Variants in RASA3 observed in about 807,000 individuals in gnomAD.
The protein encoded by RASA3 is RAS p21 protein activator 3.
In RASA3, 73 loss-of-function variants were observed where a neutral mutation model predicts 110.0. The ratio of observed to expected loss-of-function variants is 0.66; its 90% confidence interval spans 0.55 to 0.81. The LOEUF is 0.81. Ranked by LOEUF, RASA3 falls within the 30% of genes least tolerant of loss-of-function variation. The probability of loss-of-function intolerance (pLI) is 0.00; values close to 1 mark genes in which losing one functional copy is unlikely to be tolerated. For synonymous variants in RASA3, 500 were observed against 451.4 expected, an observed-to-expected ratio of 1.11 and a Z score of -1.37; for missense variants, 976 against 1,113.2, an observed-to-expected ratio of 0.88 and a Z score of 1.75.
intron 3 of RASA3, among the ~76,000 whole-genome samples, chr13:114,043,664 G>C (rs2078977162): frequency 6.6e-6 from 1 of 152,078 alleles, no homozygotes; most frequent in Non-Finnish European, 1.5e-5. Flanking sequence ...AAGAACCAAG[G>C]GGGCCGGCAC....
At chr13:114,077,142 T>A (rs1287296064) in intron 1 of RASA3, among the ~76,000 whole-genome samples, 1 of 152,206 alleles carries the variant, frequency 6.6e-6, no homozygotes, top group Non-Finnish European at 1.5e-5. Context: ...GGGCCTCAAA[T>A]CACAGCAGTA....
rs545023048 is a variant in RASA3, at chr13:114,056,133, G to C, written c.174-3978C>G. Among the ~76,000 whole-genome samples the C allele has an allele frequency of 7.2e-5, 11 of 152,316 alleles. 1 individual carries two copies. In the South Asian group the frequency reaches 1.7e-3, roughly 23 times the overall value. Reference sequence around the variant, plus strand: ...ACTGAGGACCCCACCACATGGGCCTGTGCCTGCCTGGCAGGAAGGCAGGGA... The same window carrying C: ...ACTGAGGACCCCACCACATGGGCCTCTGCCTGCCTGGCAGGAAGGCAGGGA... On this transcript the variant is annotated intron_variant, in intron 2 of 23. Transcript: ENST00000334062. The surrounding 1 kb of genome is among the most constrained non-coding windows in gnomAD (Gnocchi z 5.7).
rs892457858 is a variant in RASA3, at chr13:114,057,558, A to T, written c.174-5403T>A. On this transcript the variant is annotated intron_variant, in intron 2 of 23. Transcript: ENST00000334062. This position sits in a 1 kb window ranked among gnomAD's most constrained non-coding sequence, Gnocchi z 5.0. ...AGAAGGGCGATTCCAGGGACAGTGGAGGCCCCCACAGGAAGGAAACCTCTC... is the reference window on the plus strand; with the variant it reads ...AGAAGGGCGATTCCAGGGACAGTGGTGGCCCCCACAGGAAGGAAACCTCTC... 1 of 967,158 alleles carries T rather than the reference A, an allele frequency of 1.0e-6. No homozygotes were observed. The highest frequency in any genetic ancestry group is 1.8e-5 in the African/African-American group (1 of 56,766). The allele number at this position is 967,158 out of a possible 1,614,324, so 59.9% of individuals were successfully genotyped here. A position where few individuals can be genotyped will look rare whatever the true frequency, so the allele number is the denominator to read the frequency against.
Position 114,112,846 on chromosome 13 carries a change from C to CCCTTTGAG in RASA3, c.55+19588_55+19589insCTCAAAGG, listed in dbSNP as rs2080236389. ...CAGCTCAAAGGGTTTCCAAGAGAAT[C>CCCTTTGAG]CTCAGCAAAAAAGCAACACTCGCCG... is the stretch of plus-strand genomic sequence containing the variant. On this transcript the variant is annotated intron_variant, in intron 1 of 23. Transcript: ENST00000334062. The surrounding 1 kb of genome is among the most constrained non-coding windows in gnomAD (Gnocchi z 4.8). Among the ~76,000 whole-genome samples, 1 of 152,112 alleles carries CCCTTTGAG rather than the reference C, an allele frequency of 6.6e-6. No individual in the cohort carries two copies. Among genetic ancestry groups the CCCTTTGAG allele is most frequent in the Non-Finnish European group, 1.5e-5 (1 of 68,024 alleles).
chr13:113,996,969 G>A (rs1047577851), intron 20 of RASA3, among the ~76,000 whole-genome samples: 7 of 152,242 alleles, frequency 4.6e-5, no homozygotes, highest in Admixed American at 6.5e-5. Flanking sequence ...GGGAATGGAG[G>A]TGAGAACTGG....
chr13:114,111,596 C>T (rs1380986946), intron 1 of RASA3, among the ~76,000 whole-genome samples: 7 of 151,860 alleles, frequency 4.6e-5, no homozygotes, highest in Non-Finnish European at 8.8e-5. Context: ...ACGGGCTGAG[C>T]CTCAAACGAG....
intron 13 of RASA3, 129 bp from the exon 14 acceptor site, chr13:114,015,461 GAC>G (rs2053769381): frequency 1.4e-5 from 16 of 1,160,006 alleles, no homozygotes; most frequent in Admixed American, 2.3e-5. Context: ...GCGGCAGTGA[GAC>G]ACGTGTGAAC....
intron 1 of RASA3, among the ~76,000 whole-genome samples, chr13:114,088,489 C>T (rs896746118): frequency 6.6e-6 from 1 of 152,182 alleles, no homozygotes; most frequent in Admixed American, 6.5e-5. Flanking sequence ...CACACTTCGA[C>T]TTCCTTATCT....
intron 2 of RASA3, among the ~76,000 whole-genome samples, chr13:114,062,790 G>T (rs547052611): frequency 6.6e-6 from 1 of 152,346 alleles, no homozygotes; most frequent in Admixed American, 6.5e-5. Flanking sequence ...GGTGGGCCTC[G>T]GCTGCTGAGG....
chr13:114,027,547 C>A lies in RASA3; in HGVS notation c.531-86G>T, dbSNP rs951739244. On this transcript the variant is annotated intron_variant, in intron 6 of 23. Transcript: ENST00000334062. The stretch of plus-strand genomic sequence containing the variant: ...TGGTAAAACCGAGCTCTCAAATGCA[C>A]AAGTCACTTATTGGCTTTATTTATT... The A allele has an allele frequency of 7.0e-6, 7 of 1,001,528 alleles. No homozygotes were observed. In the African/African-American group the frequency reaches 1.1e-4, roughly 16 times the overall value. The allele number at this position is 1,001,528 out of a possible 1,614,324, so 62.0% of individuals were successfully genotyped here. A position where few individuals can be genotyped will look rare whatever the true frequency, so the allele number is the denominator to read the frequency against.
In RASA3 at chr13:114,100,613, C is replaced by T. The variant is rs190961553; in HGVS notation, c.56-26776G>A. The stretch of plus-strand genomic sequence containing the variant: ...CCGGCCCTAGCAGTTGGGAAGAAGG[C>T]GGCTGACGTGGCTTCCATGGAAAAT... On this transcript the variant is annotated intron_variant, in intron 1 of 23. Transcript: ENST00000334062. Among the ~76,000 whole-genome samples the T allele has an allele frequency of 5.3e-5, 8 of 152,342 alleles. No homozygotes were observed. In the East Asian group the frequency reaches 1.2e-3, roughly 22 times the overall value.
chr13:114,016,294 G>A lies in RASA3; in HGVS notation c.1207-23C>T, dbSNP rs926232357. ...TATCTGGGGAGAGGTTTAAGACAGG[G>A]CTCTGTGAGTGGGTTCTGGGGGCAC... is the stretch of plus-strand genomic sequence containing the variant. On this transcript the variant is annotated intron_variant, in intron 12 of 23. Transcript: ENST00000334062. The A allele has an allele frequency of 5.2e-6, 8 of 1,537,662 alleles. No homozygotes were observed. The African/African-American group carries it at 8.2e-5, about 16-fold the overall frequency.
At position 114,114,586 on chromosome 13, in the gene RASA3, C is replaced by T. The variant is rs1166068844; in HGVS notation, c.55+17849G>A. On this transcript the variant is annotated intron_variant, in intron 1 of 23. Coordinates refer to ENST00000334062, the MANE Select transcript of RASA3 (RefSeq NM_007368.4). The surrounding 1 kb of genome is among the most constrained non-coding windows in gnomAD (Gnocchi z 4.8). The stretch of plus-strand genomic sequence containing the variant: ...CTTTACTTAAATAACAGCATATTCT[C>T]GTCTGGTCTTTAAACCACACAGGCC... Among the ~76,000 whole-genome samples, 1 of 151,586 alleles carries T rather than the reference C, an allele frequency of 6.6e-6. No homozygotes were observed. The highest frequency in any genetic ancestry group is 1.5e-5 in the Non-Finnish European group (1 of 67,982).
intron 1 of RASA3, among the ~76,000 whole-genome samples, chr13:114,109,059 A>G (rs954309158): frequency 6.6e-6 from 1 of 151,984 alleles, no homozygotes; most frequent in African/African-American, 2.4e-5. Flanking sequence ...CTGGGTCAAA[A>G]CCCCAGGGGT....
At chr13:113,997,504 G>A (rs1216002996) in intron 20 of RASA3, among the ~76,000 whole-genome samples, 1 of 152,048 alleles carries the variant, frequency 6.6e-6, no homozygotes, top group Non-Finnish European at 1.5e-5. Flanking sequence ...CAGAAGAAAT[G>A]GGAGGCACAA....
At chr13:114,064,020 C>T (rs1008022706) in intron 2 of RASA3, among the ~76,000 whole-genome samples, 4 of 152,142 alleles carry the variant, frequency 2.6e-5, no homozygotes, top group Non-Finnish European at 5.9e-5. Flanking sequence ...ATTTAACCCT[C>T]CGGGAACTTC....
chr13:114,098,335 C>T (rs537006389), intron 1 of RASA3, among the ~76,000 whole-genome samples: 37 of 152,270 alleles, frequency 2.4e-4, no homozygotes, highest in African/African-American at 7.9e-4. Flanking sequence ...GACCCAGGTG[C>T]GGGTCAGCAG....
At chr13:114,104,561 C>T (rs564919056) in intron 1 of RASA3, among the ~76,000 whole-genome samples, 1 of 152,262 alleles carries the variant, frequency 6.6e-6, no homozygotes, top group South Asian at 2.1e-4. Flanking sequence ...AATTACAGGG[C>T]GAGCATCCGA....
intron 20 of RASA3, 97 bp from the exon 21 acceptor site, chr13:113,996,836 G>T: frequency 1.8e-6 from 2 of 1,115,942 alleles, no homozygotes; most frequent in Non-Finnish European, 2.7e-6. Flanking sequence ...CGCCGGAGTC[G>T]TAAGAGGGGA....
Sources: allele counts gnomAD v4.1 joint callset (sites outside exome capture counted in the v4.1 genomes callset), GRCh38; gene constraint gnomAD v4.1.1; non-coding constraint Gnocchi (gnomAD v3.1); transcripts MANE v1.5; gene names NCBI Gene and HGNC (gene_info 2026-07-23, HGNC 2026-07-21).